Variants in BNC2 observed in about 807,000 individuals in gnomAD.
The protein encoded by BNC2 is zinc finger protein basonuclin-2.
A neutral mutation model predicts 76.3 loss-of-function variants in BNC2; 20 were observed. The observed-to-expected ratio is 0.26, with a 90% confidence interval of 0.18 to 0.38. The LOEUF (loss-of-function observed/expected upper bound fraction) is 0.38, where lower values mean the gene tolerates loss of function less well. BNC2 is among the 10% of genes least tolerant of loss of function. BNC2 has a pLI of 1.00. For synonymous variants in BNC2, 582 were observed against 514.8 expected (o/e 1.13, Z -1.77); for missense variants, 1,382 against 1,399.8 (o/e 0.99, Z 0.20).
intron 5 of BNC2, among the ~76,000 whole-genome samples, chr9:16,463,881 A>G (rs1821644492): frequency 2.0e-5 from 3 of 151,912 alleles, no homozygotes; most frequent in Admixed American, 2.0e-4. Context: ...AGATCACTTG[A>G]GGTTAGGTGT....
At chr9:16,842,593 A>C (rs574621416) in intron 1 of BNC2, among the ~76,000 whole-genome samples, 1 of 152,292 alleles carries the variant, frequency 6.6e-6, no homozygotes, top group South Asian at 2.1e-4. Flanking sequence ...TATACTAAAA[A>C]CCAGTGACTA....
chr9:16,780,649 C>CT (rs547962454), intron 1 of BNC2, among the ~76,000 whole-genome samples: 6 of 152,034 alleles, frequency 3.9e-5, no homozygotes, highest in Admixed American at 1.3e-4. Context: ...AAGTATTGGG[C>CT]TTTTTTAACA....
chr9:16,601,136 CA>C (rs139838250), intron 3 of BNC2, among the ~76,000 whole-genome samples: 59 of 152,270 alleles, frequency 3.9e-4, no homozygotes, highest in African/African-American at 1.2e-3. Flanking sequence ...CTTCCTTCAG[CA>C]AAAGAAAACT....
At chr9:16,461,659 G>C (rs1331305973) in intron 5 of BNC2, among the ~76,000 whole-genome samples, 1 of 152,086 alleles carries the variant, frequency 6.6e-6, no homozygotes, top group East Asian at 1.9e-4. Flanking sequence ...TCCCTATCAA[G>C]GCACAGAGCC....
At chr9:16,818,383 A>G (rs145530117) in intron 1 of BNC2, among the ~76,000 whole-genome samples, 3,329 of 152,260 alleles carry the variant, frequency 0.022, 106 homozygotes, top group African/African-American at 0.072. Context: ...CAGCCTGGGC[A>G]ACAAAGCGAG....
intron 5 of BNC2, among the ~76,000 whole-genome samples, chr9:16,532,533 G>T (rs1818014067): frequency 6.6e-6 from 1 of 152,116 alleles, no homozygotes; most frequent in South Asian, 2.1e-4. Flanking sequence ...TGCTAGGGCT[G>T]GCTCATGCCA....
Position 16,727,868 on chromosome 9 carries a change from T to A in BNC2, c.259A>T (p.Thr87Ser). Reference protein sequence around the residue: ...NSMQFGTRTTTAEPGFMGTWQ... With the variant: ...NSMQFGTRTTSAEPGFMGTWQ... ...GTCCCCATGAACCCTGGTTCAGCCG[T>A]AGTCGTTCTGGTTCCGAACTGCATG... The change falls in exon 3 of 7, where the codon ACG (threonine) becomes TCG (serine). Residue 87 changes from threonine (T) to serine (S), a missense_variant. Around this residue, in one of 3 missense-constraint regions of BNC2, gnomAD observed 557 missense variants for 540.9 expected, o/e 1.03. Transcript: ENST00000380672. 2 of 1,614,200 alleles carry A rather than the reference T, an allele frequency of 1.2e-6. No homozygotes were observed. Among genetic ancestry groups the A allele is most frequent in the Non-Finnish European group, 1.7e-6 (2 of 1,180,030 alleles).
chr9:16,700,043 C>G lies in BNC2; in HGVS notation c.330+27754G>C, dbSNP rs569926271. Among the ~76,000 whole-genome samples, 7 of 152,264 alleles carry G rather than the reference C, an allele frequency of 4.6e-5. No homozygotes were observed. In the East Asian group the frequency reaches 1.4e-3, roughly 29 times the overall value. On this transcript the variant is annotated intron_variant, in intron 3 of 6. Coordinates refer to ENST00000380672, the MANE Select transcript of BNC2 (RefSeq NM_017637.6). ...TTTATCTTCTCCATCCTTATGTTTACACATATATGCCTGTATGATATGTAT... is the reference window on the plus strand; with the variant it reads ...TTTATCTTCTCCATCCTTATGTTTAGACATATATGCCTGTATGATATGTAT...
At chr9:16,841,449 C>A (rs939405019) in intron 1 of BNC2, among the ~76,000 whole-genome samples, 15 of 152,160 alleles carry the variant, frequency 9.9e-5, no homozygotes, top group African/African-American at 3.6e-4. Flanking sequence ...GTGAGGCCAT[C>A]AGAACTGTAA....
intron 1 of BNC2, among the ~76,000 whole-genome samples, chr9:16,819,102 A>G (rs1563957595): frequency 6.6e-6 from 1 of 152,246 alleles, no homozygotes; most frequent in East Asian, 1.9e-4. Flanking sequence ...TGAATTAAGA[A>G]GTGAGGTGAA....
At chr9:16,456,927 G>C (rs917869037) in intron 5 of BNC2, among the ~76,000 whole-genome samples, 13 of 152,166 alleles carry the variant, frequency 8.5e-5, no homozygotes, top group African/African-American at 2.4e-4. Flanking sequence ...CACTTTATCA[G>C]TAAGAAGAAT....
intron 1 of BNC2, among the ~76,000 whole-genome samples, chr9:16,742,060 C>T (rs7853096): frequency 0.27 from 40,436 of 150,646 alleles, 8,393 homozygotes; most frequent in East Asian, 0.59. Context: ...GTGTATAGTT[C>T]TTATGAAGAA....
chr9:16,773,630 G>T (rs1825887028), intron 1 of BNC2, among the ~76,000 whole-genome samples: 1 of 152,106 alleles, frequency 6.6e-6, no homozygotes, highest in Non-Finnish European at 1.5e-5. Context: ...AGATAAAGGG[G>T]CTTGTCGCTA....
chr9:16,855,191 C>T (rs1273902028), intron 1 of BNC2, among the ~76,000 whole-genome samples: 2 of 151,954 alleles, frequency 1.3e-5, no homozygotes, highest in Non-Finnish European at 2.9e-5. Context: ...CTGAATGCAT[C>T]CATGAAAAGG....
intron 3 of BNC2, among the ~76,000 whole-genome samples, chr9:16,690,052 GC>G (rs1433730529): frequency 1.3e-5 from 2 of 152,264 alleles, no homozygotes; most frequent in East Asian, 3.9e-4. Context: ...CCATTTTTCA[GC>G]CTACAATTTA....
At chr9:16,628,270 G>C (rs1002227110) in intron 3 of BNC2, among the ~76,000 whole-genome samples, 7 of 152,160 alleles carry the variant, frequency 4.6e-5, no homozygotes, top group Non-Finnish European at 1.5e-5. Context: ...TGCCTTCTCA[G>C]GGCGGCTTTG....
intron 3 of BNC2, among the ~76,000 whole-genome samples, chr9:16,590,721 T>A (rs1819904598): frequency 6.6e-6 from 1 of 152,040 alleles, no homozygotes; most frequent in Admixed American, 6.6e-5. Flanking sequence ...GCGGGAAGAC[T>A]GCTTGAGCCT....
intron 5 of BNC2, among the ~76,000 whole-genome samples, chr9:16,539,659 GGAGGGAGGGAGGGAGGGA>G (rs1818245619): frequency 2.2e-5 from 1 of 44,848 alleles, no homozygotes; most frequent in African/African-American, 1.0e-4. Context: ...GAGAGAGAAG[GGAGGGAGGGAGGGAGGGA>G]GGAAGGAAGG....
At chr9:16,713,779 C>G (rs920643066) in intron 3 of BNC2, among the ~76,000 whole-genome samples, 4 of 152,022 alleles carry the variant, frequency 2.6e-5, no homozygotes, top group Non-Finnish European at 5.9e-5. Flanking sequence ...AATTAAAATA[C>G]TTACTCAATT....
Sources: gnomAD v4.1 joint callset for allele counts (sites outside exome capture counted in the v4.1 genomes callset) on GRCh38, gnomAD v4.1.1 for gene constraint, gnomAD v4.1.1 regional missense constraint, MANE v1.5 for transcripts, NCBI Gene and HGNC (gene_info 2026-07-23, HGNC 2026-07-21) for gene names.